Variants in SEMA5B observed in about 807,000 individuals in gnomAD.
The protein encoded by SEMA5B is semaphorin 5B.
SEMA5B carries 66 observed loss-of-function variants against 135.0 expected under a neutral mutation model. The ratio of observed to expected loss-of-function variants is 0.49; its 90% CI spans 0.40 to 0.60. The LOEUF is 0.60. Ranked by LOEUF, SEMA5B falls within the 20% of genes least tolerant of loss-of-function variation. The probability of loss-of-function intolerance (pLI) is 0.00; values close to 1 mark genes in which losing one functional copy is unlikely to be tolerated. For missense variants in SEMA5B, 1,501 were observed against 1,566.3 expected (o/e 0.96, Z 0.70); for synonymous variants, 690 against 639.5 (o/e 1.08, Z -1.19).
Position 122,913,242 on chromosome 3 carries a change from C to G in SEMA5B, c.2463G>C (p.Thr821=). 2 of 1,585,894 alleles carry G rather than the reference C, an allele frequency of 1.3e-6. No homozygotes were observed. The highest frequency in any genetic ancestry group is 8.5e-7 in the Non-Finnish European group (1 of 1,174,764). ...CGGAGCCGTCCGCGGGACAGGTCCT[C>G]GTCTCGGTCCTTCTCCTGCCGAACT... The part of the protein sequence containing the change: ...GLQFGRRRTE[T]RTCPADGSGS... Residue 821 remains threonine (T), a synonymous_variant, in exon 17 of 23, where the codon ACG becomes ACC. Coordinates refer to ENST00000357599, the MANE Select transcript of SEMA5B (RefSeq NM_001031702.4).
chr3:122,953,045 A>G (rs1212880459), intron 2 of SEMA5B, among the ~76,000 whole-genome samples: 1 of 152,182 alleles, frequency 6.6e-6, no homozygotes, highest in Non-Finnish European at 1.5e-5. Flanking sequence ...CATTGCCCTA[A>G]GTGAGTATGT....
At chr3:123,023,641 C>T (rs578114883) in intron 1 of SEMA5B, among the ~76,000 whole-genome samples, 3 of 152,192 alleles carry the variant, frequency 2.0e-5, no homozygotes, top group Non-Finnish European at 4.4e-5. Flanking sequence ...CTCTCACCCT[C>T]CCCCAAAACC....
In SEMA5B at chr3:122,911,938, G is replaced by T; in HGVS notation, c.3028C>A (p.Pro1010Thr). The change falls in exon 20 of 23, where the codon CCC (proline) becomes ACC (threonine). Residue 1010 changes from proline (P) to threonine (T), a missense_variant. Coordinates refer to ENST00000357599, the MANE Select transcript of SEMA5B (RefSeq NM_001031702.4). ...AGNSSQSRPC[P>T]YSEIPVILPA... ...TACCTACCGGGAATCTCGCTGTAGG[G>T]GCAGGGGCGGCTCTGGCTGCTGTTT... is the stretch of plus-strand genomic sequence containing the variant. 2 of 1,605,276 alleles carry T rather than the reference G, an allele frequency of 1.2e-6. No individual in the cohort carries two copies. The highest frequency in any genetic ancestry group is 1.7e-6 in the Non-Finnish European group (2 of 1,173,628).
In SEMA5B at chr3:122,913,845, T is replaced by C. The variant is rs771767459; in HGVS notation, c.2132+13A>G. 2 of 1,593,238 alleles carry C rather than the reference T, an allele frequency of 1.3e-6. No individual in the cohort carries two copies. Among genetic ancestry groups the C allele is most frequent in the South Asian group, 1.1e-5 (1 of 87,376 alleles). On this transcript the variant is annotated intron_variant, in intron 15 of 22. Transcript: ENST00000357599. ...TTAGTCTGGGACCTCAGAGCAAGCC[T>C]GTTCTCCCTCACCGTTCCTCCCGGC...
intron 1 of SEMA5B, among the ~76,000 whole-genome samples, chr3:123,006,703 A>G (rs1942321196): frequency 6.6e-6 from 1 of 152,174 alleles, no homozygotes; most frequent in Non-Finnish European, 1.5e-5. Flanking sequence ...TTTTAAGCCA[A>G]GGGAAGCCTT....
At chr3:122,939,202 C>G (rs1312329278) in intron 5 of SEMA5B, among the ~76,000 whole-genome samples, 1 of 152,248 alleles carries the variant, frequency 6.6e-6, no homozygotes, top group Admixed American at 6.5e-5. Context: ...GATGCAAGAG[C>G]CTTGTGTGCC....
At chr3:123,009,835 C>T (rs1415900171) in intron 1 of SEMA5B, among the ~76,000 whole-genome samples, 17 of 152,172 alleles carry the variant, frequency 1.1e-4, no homozygotes. Context: ...AACAATAACT[C>T]GACACACATT....
At position 122,927,761 on chromosome 3, in the gene SEMA5B, C is replaced by A. The variant is rs977130582; in HGVS notation, c.850+29G>T. 6 of 1,382,726 alleles carry A rather than the reference C, an allele frequency of 4.3e-6. No homozygotes were observed. The African/African-American group carries it at 7.5e-5, about 17-fold the overall frequency. The allele number at this position is 1,382,726 out of a possible 1,614,324, so 85.7% of individuals were successfully genotyped here. A position where few individuals can be genotyped will look rare whatever the true frequency, so the allele number is the denominator to read the frequency against. ...CTGGTGGGCTCAAAACCAGGGGAGT[C>A]CCCACCCCTGGCACTGGGGCCTCCT... On this transcript the variant is annotated intron_variant, in intron 8 of 22. Transcript: ENST00000357599.
chr3:122,929,145 C>G (rs1560312698), intron 5 of SEMA5B, 87 bp from the exon 6 acceptor site: 12 of 1,298,994 alleles, frequency 9.2e-6, no homozygotes, highest in Non-Finnish European at 1.3e-5. Context: ...CAGCCAGTGT[C>G]GGGAGTGGAC....
At chr3:122,943,397 C>T (rs1446707640) in intron 4 of SEMA5B, 39 bp downstream of exon 4, 11 of 1,406,394 alleles carry the variant, frequency 7.8e-6, no homozygotes, top group East Asian at 7.1e-5. Flanking sequence ...AGCTCCAAGC[C>T]CCTGCACTTC....
At chr3:123,007,688 C>G (rs763527760) in intron 1 of SEMA5B, among the ~76,000 whole-genome samples, 1 of 152,140 alleles carries the variant, frequency 6.6e-6, no homozygotes, top group African/African-American at 2.4e-5. Flanking sequence ...TACCCTGCAC[C>G]ACCTTGGGAT....
chr3:122,976,677 T>C (rs2053651), intron 1 of SEMA5B, among the ~76,000 whole-genome samples: 15,721 of 152,238 alleles, frequency 0.1, 862 homozygotes, highest in Middle Eastern at 0.17. Flanking sequence ...CCCATGCACT[T>C]ATCCATTTTA....
intron 4 of SEMA5B, among the ~76,000 whole-genome samples, chr3:122,942,511 T>C (rs982843548): frequency 6.6e-6 from 1 of 152,176 alleles, no homozygotes; most frequent in African/African-American, 2.4e-5. Flanking sequence ...CAGACAGACC[T>C]GCAGAGAAAC....
intron 18 of SEMA5B, 148 bp from the exon 19 acceptor site, chr3:122,912,490 TA>T: frequency 1.3e-6 from 1 of 754,812 alleles, no homozygotes; most frequent in Non-Finnish European, 2.0e-6. Context: ...AGTCCACTGT[TA>T]GGGAGTGCCC....
At chr3:122,926,735 G>T (rs752594430) in intron 8 of SEMA5B, 58 bp from the exon 9 acceptor site, 11 of 1,574,688 alleles carry the variant, frequency 7.0e-6, no homozygotes, top group African/African-American at 1.3e-5. Flanking sequence ...GAAGATGGCA[G>T]AGTCGGGAGG....
chr3:122,952,972 C>T lies in SEMA5B; in HGVS notation c.125-4263G>A, dbSNP rs1362705486. ...CTGCGTACTGCACAGGGAGTTATCC[C>T]ATATGGTTCCCAAACCCCCTTCCTA... On this transcript the variant is annotated intron_variant, in intron 2 of 22. Coordinates refer to ENST00000357599, the MANE Select transcript of SEMA5B (RefSeq NM_001031702.4). Among the ~76,000 whole-genome samples, 3 of 152,306 alleles carry T rather than the reference C, an allele frequency of 2.0e-5. No individual in the cohort carries two copies. In the South Asian group the frequency reaches 6.2e-4, roughly 32 times the overall value.
At chr3:123,013,967 G>A (rs866165320) in intron 1 of SEMA5B, among the ~76,000 whole-genome samples, 13 of 152,370 alleles carry the variant, frequency 8.5e-5, no homozygotes, top group Admixed American at 1.3e-4. Context: ...ACGGTGAGAG[G>A]AGCTTTGGGC....
At chr3:122,954,781 G>T (rs866345644) in intron 2 of SEMA5B, among the ~76,000 whole-genome samples, 1 of 149,886 alleles carries the variant, frequency 6.7e-6, no homozygotes, top group Non-Finnish European at 1.5e-5. Flanking sequence ...TGGGCCCTGT[G>T]GGGTGGTCAT....
chr3:122,957,004 C>T (rs541386124), intron 2 of SEMA5B, among the ~76,000 whole-genome samples: 1 of 152,338 alleles, frequency 6.6e-6, no homozygotes, highest in East Asian at 1.9e-4. Flanking sequence ...AGGGGAAAGA[C>T]TTGGCTCTGG....
Sources: gnomAD v4.1 joint callset for allele counts (sites outside exome capture counted in the v4.1 genomes callset) on GRCh38, gnomAD v4.1.1 for gene constraint, MANE v1.5 for transcripts, NCBI Gene and HGNC (gene_info 2026-07-23, HGNC 2026-07-21) for gene names.